CDK15: variants seen among roughly 807,000 people sequenced by gnomAD.
CDK15 encodes cyclin dependent kinase 15.
A neutral mutation model predicts 60.3 loss-of-function variants in CDK15; 62 were observed. That is an observed-to-expected ratio of 1.03 (90% confidence interval 0.84 to 1.27). CDK15 has a LOEUF of 1.27. Ranked by LOEUF, CDK15 falls within the 50% of genes most tolerant of loss-of-function variation. CDK15 has a pLI of 0.00. For missense variants in CDK15, 541 were observed against 527.8 expected (o/e 1.03, Z -0.25); for synonymous variants, 194 against 195.7 (o/e 0.99, Z 0.07).
chr2:201,830,635 C>T (rs1006992249), intron 6 of CDK15, among the ~76,000 whole-genome samples: 1 of 152,080 alleles, frequency 6.6e-6, no homozygotes, highest in African/African-American at 2.4e-5. Context: ...CTCATGGGCA[C>T]TAATGTCATG....
At chr2:201,854,358 A>C (rs1698047991) in intron 9 of CDK15, among the ~76,000 whole-genome samples, 1 of 152,208 alleles carries the variant, frequency 6.6e-6, no homozygotes, top group Non-Finnish European at 1.5e-5. Flanking sequence ...ATCTTTAGCC[A>C]ACATTCCATT....
At chr2:201,835,998 A>ATTTTTATATATT (rs1405854074) in intron 8 of CDK15, among the ~76,000 whole-genome samples, 2 of 22,404 alleles carry the variant, frequency 8.9e-5, no homozygotes, top group African/African-American at 1.7e-4. Context: ...ATATTTATAT[A>ATTTTTATATATT]TATTTATATT....
chr2:201,863,626 C>T (rs956818393), intron 10 of CDK15, among the ~76,000 whole-genome samples: 2 of 151,560 alleles, frequency 1.3e-5, no homozygotes, highest in Non-Finnish European at 2.9e-5. Flanking sequence ...CCGAGGCGGG[C>T]GGATCACTTC....
At chr2:201,865,245 C>T (rs1311150110) in intron 10 of CDK15, among the ~76,000 whole-genome samples, 1 of 152,112 alleles carries the variant, frequency 6.6e-6, no homozygotes, top group Non-Finnish European at 1.5e-5. Flanking sequence ...ATACAACACT[C>T]ACTGAAAAGC....
At chr2:201,822,671 C>A in intron 4 of CDK15, 138 bp from the exon 5 acceptor site, 1 of 535,556 alleles carries the variant, frequency 1.9e-6, no homozygotes, top group Non-Finnish European at 3.3e-6. Context: ...ATTCTTTTGC[C>A]ACAAGAGATT....
intron 8 of CDK15, among the ~76,000 whole-genome samples, chr2:201,839,217 A>G (rs1437188571): frequency 6.6e-6 from 1 of 152,192 alleles, no homozygotes; most frequent in Non-Finnish European, 1.5e-5. Context: ...CTTTGCAATA[A>G]TACTTGATAC....
In CDK15 at chr2:201,890,885, A is replaced by C; in HGVS notation, c.1299A>C (p.Lys433Asn). 2 of 1,612,488 alleles carry C rather than the reference A, an allele frequency of 1.2e-6. No homozygotes were observed. The highest frequency in any genetic ancestry group is 1.7e-6 in the Non-Finnish European group (2 of 1,178,910). Residue 433 changes from lysine (K) to asparagine (N), a missense_variant, in exon 13 of 14, where the codon AAA becomes AAC. By Grantham distance (94) the Lys-to-Asn change is moderately conservative. Coordinates refer to ENST00000652192, the MANE Select transcript of CDK15 (RefSeq NM_001366386.2). Reference sequence around the variant, plus strand: ...GTCACCACCCAGCCCAGTTTAGCAAATGCTGGTGAAAAGAAAGGGCGAGAT... The same window carrying C: ...GTCACCACCCAGCCCAGTTTAGCAACTGCTGGTGAAAAGAAAGGGCGAGAT... ...QKGHHPAQFS[K>N]CW
chr2:201,823,652 C>T lies in CDK15; in HGVS notation c.544-13C>T, dbSNP rs1178315815. On this transcript the variant is annotated splice_polypyrimidine_tract_variant and intron_variant, in intron 5 of 13. Transcript: ENST00000652192. ...AAATTCACTCACTTCTCTTTCTCCGCTGTTTTATTTAGCACACAGACCTGG... is the reference window on the plus strand; with the variant it reads ...AAATTCACTCACTTCTCTTTCTCCGTTGTTTTATTTAGCACACAGACCTGG... The T allele has an allele frequency of 6.2e-7, 1 of 1,612,736 alleles. No individual in the cohort carries two copies. Among genetic ancestry groups the T allele is most frequent in the South Asian group, 1.1e-5 (1 of 91,042 alleles).
chr2:201,885,468 C>A (rs148667514), intron 12 of CDK15, among the ~76,000 whole-genome samples: 13 of 152,298 alleles, frequency 8.5e-5, no homozygotes, highest in Admixed American at 2.6e-4. Context: ...CTCCATTAAT[C>A]AGCCCTTAAG....
chr2:201,889,480 C>T (rs1699567586), intron 12 of CDK15: 1 of 920,488 alleles, frequency 1.1e-6, no homozygotes, highest in Non-Finnish European at 1.3e-6. Context: ...ATATTATCTT[C>T]TTTAAACTTA....
In CDK15 at chr2:201,863,428, T is replaced by C. The variant is rs559695309; in HGVS notation, c.1009+8491T>C. On this transcript the variant is annotated intron_variant, in intron 10 of 13. Coordinates refer to ENST00000652192, the MANE Select transcript of CDK15 (RefSeq NM_001366386.2). The stretch of plus-strand genomic sequence containing the variant: ...AAATGTTCTTAATGTTAAAAAGAAA[T>C]AAAAGTTCCTTCCAAGTTGAAGAAT... Among the ~76,000 whole-genome samples, 9 of 152,078 alleles carry C rather than the reference T, an allele frequency of 5.9e-5. 1 individual carries two copies. In the South Asian group the frequency reaches 1.2e-3, roughly 21 times the overall value.
rs1192547299 is a variant in CDK15, at chr2:201,865,891, A to AC, written c.1010-6386dup. Among the ~76,000 whole-genome samples the AC allele has an allele frequency of 2.2e-4, 31 of 138,524 alleles. No homozygotes were observed. In the East Asian group the frequency reaches 6.6e-3, roughly 29 times the overall value. 90.9% of individuals were successfully genotyped at this position (138,524 alleles called of 152,430 possible). Reference sequence around the variant, plus strand: ...GGCGACAGAGCAAGATTCCATCTCAACAAAAAAAAAAAAAAAAAAAAAAAA... The same window carrying AC: ...GGCGACAGAGCAAGATTCCATCTCAACCAAAAAAAAAAAAAAAAAAAAAAAA... On this transcript the variant is annotated intron_variant, in intron 10 of 13. Transcript: ENST00000652192.
At chr2:201,870,904 C>T (rs1396543919) in intron 10 of CDK15, among the ~76,000 whole-genome samples, 1 of 152,102 alleles carries the variant, frequency 6.6e-6, no homozygotes, top group Non-Finnish European at 1.5e-5. Context: ...AGAAGAAGCC[C>T]TTACATAGAA....
chr2:201,847,550 A>G (rs1697725982), intron 9 of CDK15, 76 bp downstream of exon 9: 1 of 1,236,012 alleles, frequency 8.1e-7, no homozygotes, highest in Non-Finnish European at 1.2e-6. Context: ...TTACAGACAA[A>G]TGAAGCAGTC....
chr2:201,824,883 A>C, intron 6 of CDK15: 1 of 560,290 alleles, frequency 1.8e-6, no homozygotes, highest in African/African-American at 2.0e-5. Context: ...TACTTGATGT[A>C]AGCAGTCTTC....
chr2:201,879,883 TG>T (rs1699212927), intron 11 of CDK15, 144 bp from the exon 12 acceptor site: 48 of 1,086,700 alleles, frequency 4.4e-5, no homozygotes, highest in Non-Finnish European at 6.0e-5. Flanking sequence ...CTTTTCCAGT[TG>T]CCATCAACTT....
At chr2:201,859,926 A>G (rs1698314647) in intron 10 of CDK15, among the ~76,000 whole-genome samples, 1 of 152,238 alleles carries the variant, frequency 6.6e-6, no homozygotes, top group South Asian at 2.1e-4. Flanking sequence ...TTTCTCAACT[A>G]AAGTAAACGG....
intron 12 of CDK15, among the ~76,000 whole-genome samples, chr2:201,886,239 C>T (rs1461380623): frequency 6.6e-6 from 1 of 152,148 alleles, no homozygotes; most frequent in Non-Finnish European, 1.5e-5. Flanking sequence ...CCAGGACCAA[C>T]TTCTTCCTCA....
chr2:201,872,369 C>G, intron 11 of CDK15, 43 bp downstream of exon 11: 2 of 1,560,846 alleles, frequency 1.3e-6, no homozygotes, highest in Non-Finnish European at 1.8e-6. Flanking sequence ...GATCTTTAAG[C>G]AGGATTGGAG....
Sources: allele counts gnomAD v4.1 joint callset (sites outside exome capture counted in the v4.1 genomes callset), GRCh38; gene constraint gnomAD v4.1.1; transcripts MANE v1.5; gene names NCBI Gene and HGNC (gene_info 2026-07-23, HGNC 2026-07-21).